Variants in SEC24B observed in about 807,000 individuals in gnomAD.
The protein encoded by SEC24B is SEC24 homolog B, COPII component.
SEC24B carries 45 observed loss-of-function variants against 142.8 expected under a neutral mutation model. The observed-to-expected ratio is 0.32, with a 90% CI of 0.25 to 0.40. The LOEUF is 0.40. Among genes scored for constraint, SEC24B ranks in the 10% least tolerant of loss-of-function variants. SEC24B has a pLI of 1.00. For synonymous variants in SEC24B, 574 were observed against 568.2 expected (o/e 1.01, Z -0.15); for missense variants, 1,409 against 1,526.8 (o/e 0.92, Z 1.29).
intron 4 of SEC24B, among the ~76,000 whole-genome samples, chr4:109,486,029 G>GTATC (rs1444009311): frequency 1.3e-5 from 2 of 152,196 alleles, no homozygotes; most frequent in African/African-American, 4.8e-5. Context: ...CTATCAGGAG[G>GTATC]TATCTGTCTT....
chr4:109,440,157 A>T (rs1281938107), intron 1 of SEC24B, among the ~76,000 whole-genome samples: 1 of 151,584 alleles, frequency 6.6e-6, no homozygotes. Context: ...TTCACTCCAT[A>T]TGTAAACAAG....
intron 1 of SEC24B, among the ~76,000 whole-genome samples, chr4:109,440,719 A>G (rs1157843356): frequency 6.6e-6 from 1 of 152,170 alleles, no homozygotes; most frequent in East Asian, 1.9e-4. Flanking sequence ...TCTTCAGAAC[A>G]CCGTTTTATA....
In SEC24B at chr4:109,463,353, G is replaced by A; in HGVS notation, c.586G>A (p.Val196Ile). 2 of 1,614,192 alleles carry A rather than the reference G, an allele frequency of 1.2e-6. No homozygotes were observed. The highest frequency in any genetic ancestry group is 1.7e-6 in the Non-Finnish European group (2 of 1,180,044). The stretch of plus-strand genomic sequence containing the variant: ...TGTTTCTAATGCCGCGTATCCTAGT[G>A]TTTCATATCCCTCTCTGCCTGCTGG... ...STVSNAAYPSVSYPSLPAGDT... is the reference protein window; with the variant it reads ...STVSNAAYPSISYPSLPAGDT... Residue 196 changes from valine (V) to isoleucine (I), a missense_variant, in exon 2 of 24, where the codon GTT becomes ATT. Transcript: ENST00000265175.
chr4:109,499,189 T>C (rs1022216001), intron 6 of SEC24B, among the ~76,000 whole-genome samples: 2 of 152,224 alleles, frequency 1.3e-5, no homozygotes, highest in African/African-American at 4.8e-5. Context: ...GTTGTCTAGA[T>C]GACTTGTTTA....
chr4:109,465,262 T>A (rs1000398339), intron 2 of SEC24B, among the ~76,000 whole-genome samples: 1 of 152,232 alleles, frequency 6.6e-6, no homozygotes, highest in Non-Finnish European at 1.5e-5. Context: ...GAAATCTGGC[T>A]GTCTACCAGA....
At chr4:109,533,111 A>G (rs554618913) in intron 21 of SEC24B, among the ~76,000 whole-genome samples, 144 of 152,318 alleles carry the variant, frequency 9.5e-4, no homozygotes, top group African/African-American at 3.3e-3. Context: ...ATCTAGTTCA[A>G]CTTACATCCA....
intron 1 of SEC24B, among the ~76,000 whole-genome samples, chr4:109,451,770 A>G (rs574172315): frequency 6.6e-6 from 1 of 152,188 alleles, no homozygotes; most frequent in Non-Finnish European, 1.5e-5. Context: ...CAGAGCTATG[A>G]AATGTGAGTA....
At chr4:109,454,435 A>C (rs542862954) in intron 1 of SEC24B, among the ~76,000 whole-genome samples, 2 of 151,916 alleles carry the variant, frequency 1.3e-5, no homozygotes, top group Admixed American at 1.3e-4. Context: ...ACTACTAGGG[A>C]AAGTAAGGCA....
chr4:109,521,611 G>A lies in SEC24B; in HGVS notation c.2493G>A (p.Gln831=). 1.2e-6 allele frequency: 2 copies of A among 1,611,888 alleles called. No homozygotes were observed. Among genetic ancestry groups the A allele is most frequent in the South Asian group, 1.1e-5 (1 of 90,890 alleles). The part of the protein sequence containing the change: ...GLLQSREDPN[Q]RSSTKVVQHL... ...TGCAATCCAGAGAAGATCCTAATCA[G>A]AGATCAAGTACAAAGGTATTTTATG... The change falls in exon 14 of 24, where the codon CAG becomes CAA. Residue 831 remains glutamine, a synonymous_variant. Coordinates refer to ENST00000265175, the MANE Select transcript of SEC24B (RefSeq NM_006323.5).
At chr4:109,498,462 T>C (rs1272067307) in intron 6 of SEC24B, among the ~76,000 whole-genome samples, 1 of 152,174 alleles carries the variant, frequency 6.6e-6, no homozygotes, top group Non-Finnish European at 1.5e-5. Flanking sequence ...CCTTCCAGAT[T>C]CAAGCGATTC....
At chr4:109,509,792 A>G (rs1737129828) in intron 7 of SEC24B, among the ~76,000 whole-genome samples, 1 of 151,696 alleles carries the variant, frequency 6.6e-6, no homozygotes, top group South Asian at 2.1e-4. Flanking sequence ...CTGAATGTGT[A>G]CTATTTTTCC....
At chr4:109,462,316 C>A (rs192473146) in intron 1 of SEC24B, among the ~76,000 whole-genome samples, 97 of 152,318 alleles carry the variant, frequency 6.4e-4, no homozygotes, top group Admixed American at 1.2e-3. Context: ...CTATTTATTT[C>A]ACAGTTTCTC....
At chr4:109,519,459 A>T (rs1187393510) in intron 11 of SEC24B, among the ~76,000 whole-genome samples, 1 of 152,240 alleles carries the variant, frequency 6.6e-6, no homozygotes, top group Non-Finnish European at 1.5e-5. Flanking sequence ...GTTTTTGGAA[A>T]GGGCTCTGGA....
At chr4:109,526,863 T>G (rs1378891336) in intron 17 of SEC24B, among the ~76,000 whole-genome samples, 1 of 152,238 alleles carries the variant, frequency 6.6e-6, no homozygotes, top group Non-Finnish European at 1.5e-5. Context: ...AAAACTTGGT[T>G]TTTACATCTC....
rs374956956 is a variant in SEC24B at position 109,442,023 on chromosome 4, G to C, written c.133+8021G>C. On this transcript the variant is annotated intron_variant, in intron 1 of 23. Transcript: ENST00000265175. ...CCTAGGATATCCAGATGTAATCTGA[G>C]ACTCCTCATTTTTGAAATCACCAAG... is the stretch of plus-strand genomic sequence containing the variant. 1.7e-4 allele frequency among the ~76,000 whole-genome samples: 26 copies of C among 152,164 alleles called. 1 individual carries two copies. Among genetic ancestry groups the C allele is most frequent in the East Asian group, 1.3e-3 (7 of 5,192 alleles).
intron 14 of SEC24B, among the ~76,000 whole-genome samples, chr4:109,523,702 A>T (rs1023260775): frequency 1.3e-5 from 2 of 152,322 alleles, no homozygotes; most frequent in South Asian, 4.1e-4. Flanking sequence ...TAATAGTGTC[A>T]TAAATCTTTA....
intron 18 of SEC24B, 75 bp downstream of exon 18, chr4:109,527,507 G>C: frequency 9.4e-7 from 1 of 1,059,926 alleles, no homozygotes; most frequent in East Asian, 2.5e-5. Context: ...GTGGCAGTGC[G>C]TCCGCCTGTA....
intron 1 of SEC24B, among the ~76,000 whole-genome samples, chr4:109,462,146 T>TG (rs2125930534): frequency 6.6e-6 from 1 of 152,272 alleles, no homozygotes; most frequent in South Asian, 2.1e-4. Flanking sequence ...TAGTGAACCA[T>TG]GATCATGCCA....
chr4:109,505,517 T>C (rs1736588873), intron 6 of SEC24B, among the ~76,000 whole-genome samples: 1 of 152,270 alleles, frequency 6.6e-6, no homozygotes. Flanking sequence ...CTTAAATTTG[T>C]ATTGGAACTG....
Sources: gnomAD v4.1 joint callset for allele counts (sites outside exome capture counted in the v4.1 genomes callset) on GRCh38, gnomAD v4.1.1 for gene constraint, MANE v1.5 for transcripts, NCBI Gene and HGNC (gene_info 2026-07-23, HGNC 2026-07-21) for gene names.